The following UNC13A variants were observed in gnomAD, a reference collection of about 807,000 sequenced individuals.
UNC13A encodes protein unc-13 homolog A.
UNC13A carries 61 observed loss-of-function variants against 219.7 expected under a neutral mutation model. The observed-to-expected ratio is 0.28, with a 90% CI of 0.23 to 0.34. UNC13A has a LOEUF of 0.34. Among genes scored for constraint, UNC13A ranks in the 10% least tolerant of loss-of-function variants. UNC13A has a pLI of 1.00. For synonymous variants in UNC13A, 920 were observed against 884.6 expected, an observed-to-expected ratio of 1.04 and a Z score of -0.71; for missense variants, 1,476 against 2,270.3, an observed-to-expected ratio of 0.65 and a Z score of 7.11.
chr19:17,648,344 C>G, intron 16 of UNC13A, 87 bp downstream of exon 16: 1 of 618,106 alleles, frequency 1.6e-6, no homozygotes, highest in South Asian at 2.2e-5. Context: ...CCCCACCCAT[C>G]GCCTTGCCCT....
chr19:17,639,345 C>T, intron 24 of UNC13A, 91 bp downstream of exon 24: 1 of 1,563,412 alleles, frequency 6.4e-7, no homozygotes, highest in Non-Finnish European at 8.7e-7. Flanking sequence ...AGAAAGGCTG[C>T]CACTCTCCAG....
chr19:17,630,088 T>G, intron 30 of UNC13A, 57 bp downstream of exon 30: 1 of 1,529,244 alleles, frequency 6.5e-7, no homozygotes, highest in South Asian at 1.2e-5. Context: ...AACTCAGACT[T>G]CAATTCCCTA....
rs745598504 is a variant in UNC13A, at chr19:17,606,244, C to T, written c.4922G>A (p.Arg1641His). The T allele has an allele frequency of 1.7e-4, 270 of 1,548,404 alleles. No homozygotes were observed. Among genetic ancestry groups the T allele is most frequent in the Non-Finnish European group, 2.2e-4 (252 of 1,146,828 alleles). The change falls in exon 44 of 44, where the codon CGT becomes CAT. Residue 1641 changes from arginine to histidine, a missense_variant. Around this residue, in one of 14 missense-constraint regions of UNC13A, gnomAD observed 187 missense variants for 172.3 expected, o/e 1.09. Transcript: ENST00000519716. ...RTVGLAVLQL[R>H]ELAQRGSAAC... ...GGCGCTCCCGCGCTGGGCCAGCTCA[C>T]GCAGCTGCAGCACGGCCAGCCCCAC...
At position 17,656,417 on chromosome 19, in the gene UNC13A, G is replaced by T; in HGVS notation, c.768-19C>A. 6.7e-7 allele frequency: 1 copy of T among 1,491,118 alleles called. No individual in the cohort carries two copies. Among genetic ancestry groups the T allele is most frequent in the Non-Finnish European group, 8.9e-7 (1 of 1,122,812 alleles). 92.4% of individuals were successfully genotyped at this position (1,491,118 alleles called of 1,614,324 possible). A position where few individuals can be genotyped will look rare whatever the true frequency, so the allele number is the denominator to read the frequency against. On this transcript the variant is annotated intron_variant, in intron 9 of 43. Coordinates refer to ENST00000519716, the MANE Select transcript of UNC13A (RefSeq NM_001080421.3). Reference sequence around the variant, plus strand: ...CGTGGGGCTGTGGGGATGGAACAGGGTTCAGGGACTGGGGTACCGAGTCAC... The same window carrying T: ...CGTGGGGCTGTGGGGATGGAACAGGTTTCAGGGACTGGGGTACCGAGTCAC...
intron 10 of UNC13A, 90 bp from the exon 11 acceptor site, chr19:17,655,472 C>T: frequency 9.6e-7 from 1 of 1,042,316 alleles, no homozygotes; most frequent in Non-Finnish European, 1.4e-6. Context: ...TGATGCATAG[C>T]TCCCCATGGT....
At chr19:17,663,445 G>A in intron 8 of UNC13A, 87 bp downstream of exon 8, 1 of 1,474,834 alleles carries the variant, frequency 6.8e-7, no homozygotes. Context: ...TTGCTTCCCT[G>A]TGTGGTAGTG....
At chr19:17,662,280 C>T (rs2079564244) in intron 8 of UNC13A, among the ~76,000 whole-genome samples, 1 of 151,864 alleles carries the variant, frequency 6.6e-6, no homozygotes, top group Non-Finnish European at 1.5e-5. Flanking sequence ...GAGCGTGAAC[C>T]CTACTGTGAA....
chr19:17,617,745 G>A lies in UNC13A; in HGVS notation c.4515C>T (p.Thr1505=), dbSNP rs552567446. ...RYALSLYTQA[T]DLLIKTFVQT... is the part of the protein sequence containing the mutation. ...GTACAAAGGTCTTGATTAGCAGGTC[G>A]GTGGCCTGCGTGTAGAGCGACAGGG... Residue 1505 remains threonine, a synonymous_variant, in exon 41 of 44, where the codon ACC becomes ACT. Transcript: ENST00000519716. 3.9e-4 allele frequency: 633 copies of A among 1,613,956 alleles called. 7 individuals are homozygous for A. In the South Asian group the frequency reaches 6.6e-3, roughly 17 times the overall value.
At chr19:17,622,270 C>G (rs2076737081) in intron 36 of UNC13A, among the ~76,000 whole-genome samples, 1 of 152,144 alleles carries the variant, frequency 6.6e-6, no homozygotes, top group Admixed American at 6.5e-5. Flanking sequence ...AATCCTGATT[C>G]TGGCATATAT....
rs760797487 is a variant in UNC13A at position 17,676,049 on chromosome 19, G to C, written c.23-8C>G. The C allele has an allele frequency of 1.1e-5, 17 of 1,551,662 alleles. No homozygotes were observed. In the South Asian group the frequency reaches 2.0e-4, roughly 18 times the overall value. ...CAAACTTGGCTTTTTTGACTGTGGA[G>C]AGAGACAGAGATAGGGAAGGGAGGT... On this transcript the variant is annotated splice_polypyrimidine_tract_variant and splice_region_variant and intron_variant, in intron 1 of 43. Transcript: ENST00000519716.
Position 17,674,777 on chromosome 19 carries a change from G to A in UNC13A, c.53-21C>T, listed in dbSNP as rs901851773. ...TTTCTCTGTGGCAGTGAGAGTAGGG[G>A]TCAGCGCTGGGGCTCAGGGACTCTC... On this transcript the variant is annotated intron_variant, in intron 2 of 43. Coordinates refer to ENST00000519716, the MANE Select transcript of UNC13A (RefSeq NM_001080421.3). The surrounding 1 kb of genome is among the most constrained non-coding windows in gnomAD (Gnocchi z 5.0). 6.2e-7 allele frequency: 1 copy of A among 1,600,432 alleles called. No homozygotes were observed.
At position 17,656,254 on chromosome 19, in the gene UNC13A, G is replaced by A. The variant is rs1255056975; in HGVS notation, c.912C>T (p.Cys304=). 1 of 1,551,968 alleles carries A rather than the reference G, an allele frequency of 6.4e-7. No homozygotes were observed. Among genetic ancestry groups the A allele is most frequent in the Non-Finnish European group, 8.7e-7 (1 of 1,147,120 alleles). Residue 304 remains cysteine (C), a synonymous_variant, in exon 10 of 44, where the codon TGC becomes TGT. Coordinates refer to ENST00000519716, the MANE Select transcript of UNC13A (RefSeq NM_001080421.3). ...CTTTGTGGTAGCTGACCGAGCTGTG[G>A]CAGGAGTGGTAGGAGTCCCGGTCCC... is the stretch of plus-strand genomic sequence containing the variant. ...DERDRDSYHS[C]HSSVSYHKDS... is the part of the protein sequence containing the mutation.
chr19:17,680,364 G>A (rs938259099), intron 1 of UNC13A, among the ~76,000 whole-genome samples: 5 of 152,144 alleles, frequency 3.3e-5, no homozygotes, highest in African/African-American at 1.2e-4. Flanking sequence ...CGGGTCACAC[G>A]CATGAGGCTA....
At chr19:17,650,933 A>ATTTTTTT (rs34451347) in intron 12 of UNC13A, among the ~76,000 whole-genome samples, 1 of 128,286 alleles carries the variant, frequency 7.8e-6, no homozygotes. Context: ...CACCCAGCAA[A>ATTTTTTT]TTTTTTTTTT....
intron 1 of UNC13A, among the ~76,000 whole-genome samples, chr19:17,679,684 C>A (rs923083331): frequency 2.0e-5 from 3 of 148,380 alleles, no homozygotes; most frequent in African/African-American, 7.9e-5. Flanking sequence ...TTGATCTGTT[C>A]TCTCTCTCTC....
At chr19:17,632,124 C>T (rs4627495) in intron 28 of UNC13A, among the ~76,000 whole-genome samples, 24,821 of 152,062 alleles carry the variant, frequency 0.16, 2,209 homozygotes, top group African/African-American at 0.22. Flanking sequence ...TTGGCCAGGC[C>T]GGTCTCAAAC....
chr19:17,641,828 ATCAT>A (rs1207932142), intron 20 of UNC13A, among the ~76,000 whole-genome samples: 1 of 150,698 alleles, frequency 6.6e-6, no homozygotes, highest in East Asian at 2.0e-4. Context: ...CACCTACCCA[ATCAT>A]TCATTCTTTC....
intron 40 of UNC13A, 80 bp downstream of exon 40, chr19:17,618,341 A>C: frequency 7.0e-7 from 1 of 1,419,496 alleles, no homozygotes; most frequent in Non-Finnish European, 9.7e-7. Flanking sequence ...TGTGGGTCCG[A>C]GGCGAGCCTA....
At chr19:17,625,395 CAA>C (rs971761335) in intron 34 of UNC13A, among the ~76,000 whole-genome samples, 8 of 152,084 alleles carry the variant, frequency 5.3e-5, no homozygotes, top group African/African-American at 1.7e-4. Flanking sequence ...GGGAAAACAG[CAA>C]AGAGATTGTG....
Sources: gnomAD v4.1 joint callset for allele counts (sites outside exome capture counted in the v4.1 genomes callset) on GRCh38, gnomAD v4.1.1 for gene constraint, gnomAD v4.1.1 regional missense constraint, Gnocchi (gnomAD v3.1) non-coding constraint, MANE v1.5 for transcripts, NCBI Gene and HGNC (gene_info 2026-07-23, HGNC 2026-07-21) for gene names.